INPP4A: variants seen among roughly 807,000 people sequenced by gnomAD.
INPP4A encodes inositol polyphosphate-4-phosphatase type I A.
INPP4A carries 33 observed loss-of-function variants against 119.8 expected under a neutral mutation model. The observed-to-expected ratio is 0.28, with a 90% CI of 0.21 to 0.37. The LOEUF is 0.37. Ranked by LOEUF, INPP4A falls within the 10% of genes least tolerant of loss-of-function variation. The pLI is 1.00. For missense variants in INPP4A, 956 were observed against 1,289.9 expected (o/e 0.74, Z 3.97); for synonymous variants, 496 against 500.7 (o/e 0.99, Z 0.12).
At chr2:98,462,413 A>G (rs923930597) in intron 1 of INPP4A, among the ~76,000 whole-genome samples, 1 of 152,242 alleles carries the variant, frequency 6.6e-6, no homozygotes, top group Non-Finnish European at 1.5e-5. Context: ...GTGCCACTGC[A>G]CTTTAGCCTG....
At chr2:98,531,861 G>A (rs890939806) in intron 4 of INPP4A, among the ~76,000 whole-genome samples, 8 of 152,224 alleles carry the variant, frequency 5.3e-5, no homozygotes, top group East Asian at 1.9e-4. Flanking sequence ...CCAGATGGAC[G>A]TTCACCAATA....
Position 98,583,288 on chromosome 2 carries a change from A to G in INPP4A, c.2787-4188A>G, listed in dbSNP as rs117512773. On this transcript the variant is annotated intron_variant, in intron 24 of 24. Coordinates refer to ENST00000409851, the MANE Select transcript of INPP4A (RefSeq NM_001134225.2). ...ACATCTTTTCTCTCTTACTAATCAA[A>G]TATGATTGATAATGAAAAAAAATCA... is the stretch of plus-strand genomic sequence containing the variant. 6.7e-4 allele frequency among the ~76,000 whole-genome samples: 102 copies of G among 152,156 alleles called. 2 individuals carry two copies. The East Asian group carries it at 0.01, about 16-fold the overall frequency.
At chr2:98,499,236 A>G (rs1329319888) in intron 1 of INPP4A, among the ~76,000 whole-genome samples, 2 of 152,218 alleles carry the variant, frequency 1.3e-5, no homozygotes, top group African/African-American at 4.8e-5. Flanking sequence ...GGTTGTGAGC[A>G]CGGTGATACA....
intron 13 of INPP4A, among the ~76,000 whole-genome samples, chr2:98,551,452 C>G (rs1393545779): frequency 6.6e-6 from 1 of 152,066 alleles, no homozygotes. Context: ...TTTACTGTGG[C>G]GTGTGGGCTT....
chr2:98,545,726 C>T (rs576203497), intron 11 of INPP4A, among the ~76,000 whole-genome samples: 65 of 152,298 alleles, frequency 4.3e-4, no homozygotes, highest in Admixed American at 2.0e-3. Flanking sequence ...GCCGGTTCTC[C>T]CTGGCACCAT....
intron 1 of INPP4A, among the ~76,000 whole-genome samples, chr2:98,448,194 A>G (rs999797283): frequency 6.6e-6 from 1 of 151,876 alleles, no homozygotes; most frequent in Non-Finnish European, 1.5e-5. Context: ...TGTCTCTACT[A>G]AAAATACAAA....
At chr2:98,538,517 G>T (rs547926126) in intron 8 of INPP4A, among the ~76,000 whole-genome samples, 1 of 152,148 alleles carries the variant, frequency 6.6e-6, no homozygotes, top group Non-Finnish European at 1.5e-5. Context: ...GAGCCCTAGC[G>T]CTGGTAAGTA....
chr2:98,586,602 C>T (rs1040088295), intron 24 of INPP4A, among the ~76,000 whole-genome samples: 6 of 152,212 alleles, frequency 3.9e-5, no homozygotes, highest in East Asian at 1.9e-4. Flanking sequence ...ACTCCCCGGA[C>T]GCGCTCACTG....
In INPP4A at chr2:98,570,912, C is replaced by T. The variant is rs144792675; in HGVS notation, c.2519-1903C>T. The stretch of plus-strand genomic sequence containing the variant: ...CAGAGATGCAGTTGGAGCCAGAGAG[C>T]CTGGAAAAATACAGATGCCTGGGCC... On this transcript the variant is annotated intron_variant, in intron 22 of 24. Coordinates refer to ENST00000409851, the MANE Select transcript of INPP4A (RefSeq NM_001134225.2). This position sits in a 1 kb window ranked among gnomAD's most constrained non-coding sequence, Gnocchi z 4.3. Among the ~76,000 whole-genome samples the T allele has an allele frequency of 6.5e-3, 992 of 152,138 alleles. 17 individuals are homozygous for T. Among genetic ancestry groups the T allele is most frequent in the African/African-American group, 0.022 (929 of 41,504 alleles).
intron 1 of INPP4A, among the ~76,000 whole-genome samples, chr2:98,516,826 T>G (rs531489230): frequency 6.6e-6 from 1 of 152,276 alleles, no homozygotes; most frequent in East Asian, 1.9e-4. Context: ...AGCATGGCTG[T>G]CATCTTGATG....
At position 98,566,288 on chromosome 2, in the gene INPP4A, T is replaced by C. The variant is rs1696428084; in HGVS notation, c.2420+119T>C. The stretch of plus-strand genomic sequence containing the variant: ...CAGACTTTGTCATCCTTCCTTCCTT[T>C]GGCCAACATTTTCATCATGGCCGTG... On this transcript the variant is annotated intron_variant, in intron 21 of 24. Coordinates refer to ENST00000409851, the MANE Select transcript of INPP4A (RefSeq NM_001134225.2). This position sits in a 1 kb window ranked among gnomAD's most constrained non-coding sequence, Gnocchi z 4.2. The C allele has an allele frequency of 2.0e-5, 23 of 1,138,842 alleles. No homozygotes were observed. Among genetic ancestry groups the C allele is most frequent in the Non-Finnish European group, 2.5e-5 (21 of 834,368 alleles). 70.5% of individuals were successfully genotyped at this position (1,138,842 alleles called of 1,614,324 possible). A position where few individuals can be genotyped will look rare whatever the true frequency, so the allele number is the denominator to read the frequency against.
At chr2:98,583,550 T>G (rs1226795651) in intron 24 of INPP4A, among the ~76,000 whole-genome samples, 1 of 152,208 alleles carries the variant, frequency 6.6e-6, no homozygotes, top group Admixed American at 6.5e-5. Context: ...TGCAGGACGG[T>G]CAGCAGCTTC....
At chr2:98,477,679 C>T (rs961740552) in intron 1 of INPP4A, among the ~76,000 whole-genome samples, 1 of 152,250 alleles carries the variant, frequency 6.6e-6, no homozygotes, top group African/African-American at 2.4e-5. Flanking sequence ...CCGTTAGTGA[C>T]TATCCTTGTT....
At chr2:98,545,366 C>T (rs763163846) in intron 11 of INPP4A, among the ~76,000 whole-genome samples, 2 of 152,142 alleles carry the variant, frequency 1.3e-5, no homozygotes, top group African/African-American at 4.8e-5. Flanking sequence ...TATAAAATAG[C>T]GTCCAGGCTC....
At chr2:98,467,230 G>A (rs1674976976) in intron 1 of INPP4A, among the ~76,000 whole-genome samples, 1 of 152,118 alleles carries the variant, frequency 6.6e-6, no homozygotes, top group South Asian at 2.1e-4. Context: ...GGGTGGTTGG[G>A]GGAGGGCATT....
At chr2:98,448,042 G>C (rs1454138694) in intron 1 of INPP4A, among the ~76,000 whole-genome samples, 1 of 100,680 alleles carries the variant, frequency 9.9e-6, no homozygotes, top group African/African-American at 4.3e-5. Context: ...GTGAGACTCT[G>C]TCTCAAAAAA....
intron 1 of INPP4A, among the ~76,000 whole-genome samples, chr2:98,513,905 C>T (rs1042075622): frequency 3.3e-5 from 5 of 152,166 alleles, no homozygotes; most frequent in Admixed American, 2.6e-4. Flanking sequence ...CCTAGGTGCC[C>T]GTTGTTCTCT....
At chr2:98,563,168 T>G (rs1247437458) in intron 17 of INPP4A, among the ~76,000 whole-genome samples, 3 of 152,124 alleles carry the variant, frequency 2.0e-5, no homozygotes, top group Non-Finnish European at 4.4e-5. Flanking sequence ...CTTTGTTGTT[T>G]TCCTCCGAAG....
intron 1 of INPP4A, among the ~76,000 whole-genome samples, chr2:98,454,746 G>A (rs1695813469): frequency 7.8e-6 from 1 of 127,954 alleles, no homozygotes; most frequent in Non-Finnish European, 1.6e-5. Flanking sequence ...AAGTTGAGAG[G>A]AGAAGGATGT....
Sources: allele counts gnomAD v4.1 joint callset (sites outside exome capture counted in the v4.1 genomes callset), GRCh38; gene constraint gnomAD v4.1.1; non-coding constraint Gnocchi (gnomAD v3.1); transcripts MANE v1.5; gene names NCBI Gene and HGNC (gene_info 2026-07-23, HGNC 2026-07-21).